The following FGFR1 variants were observed in gnomAD, a reference collection of about 807,000 sequenced individuals.
FGFR1 encodes the protein fibroblast growth factor receptor 1, also known as FGFR1/PLAG1 fusion.
Under a neutral mutation model 93.7 loss-of-function variants are expected in FGFR1, and 18 were observed. The observed-to-expected ratio is 0.19, with a 90% confidence interval of 0.13 to 0.28. The LOEUF (loss-of-function observed/expected upper bound fraction) is 0.28. Among genes scored for constraint, FGFR1 ranks in the 10% least tolerant of loss-of-function variants. The pLI is 1.00. For missense variants in FGFR1, 731 were observed against 1,080.4 expected (o/e 0.68, Z 4.53); for synonymous variants, 448 against 429.3 (o/e 1.04, Z -0.54).
chr8:38,412,019 G>A lies in FGFR1; in HGVS notation c.*1609C>T, dbSNP rs1190859340. 2.6e-5 allele frequency: 6 copies of A among 228,456 alleles called. No individual in the cohort carries two copies. The East Asian group carries it at 3.1e-4, about 12-fold the overall frequency. 14.2% of individuals were successfully genotyped at this position (228,456 alleles called of 1,614,324 possible). A position where few individuals can be genotyped will look rare whatever the true frequency, so the allele number is the denominator to read the frequency against. On this transcript the variant is annotated 3_prime_UTR_variant, in exon 18 of 18. Coordinates refer to ENST00000447712, the MANE Select transcript of FGFR1 (RefSeq NM_023110.3). ...ACTGGCAAAACCATGCCCACATAGA[G>A]GGGGCAGACACATGTCTGGGTTTCA... is the stretch of plus-strand genomic sequence containing the variant.
At position 38,468,115 on chromosome 8, in the gene FGFR1, G is replaced by A. The variant is rs1835938420; in HGVS notation, c.-223C>T. The A allele has an allele frequency of 8.8e-6, 2 of 226,262 alleles. No individual in the cohort carries two copies. Among genetic ancestry groups the A allele is most frequent in the South Asian group, 1.8e-4 (1 of 5,494 alleles). 14.0% of individuals were successfully genotyped at this position (226,262 alleles called of 1,614,324 possible). A position where few individuals can be genotyped will look rare whatever the true frequency, so the allele number is the denominator to read the frequency against. ...CCTGGCGGGGTCGCAAGAGCTCCGC[G>A]GCCGGCGCTCGACTCCCGGCGGCGC... On this transcript the variant is annotated 5_prime_UTR_variant, in exon 1 of 18. Transcript: ENST00000447712.
Position 38,411,810 on chromosome 8 carries a change from G to C in FGFR1, c.*1818C>G. The C allele has an allele frequency of 4.4e-6, 1 of 229,412 alleles. No individual in the cohort carries two copies. The highest frequency in any genetic ancestry group is 8.7e-6 in the Non-Finnish European group (1 of 115,458). The allele number at this position is 229,412 out of a possible 1,614,324, so 14.2% of individuals were successfully genotyped here. A position where few individuals can be genotyped will look rare whatever the true frequency, so the allele number is the denominator to read the frequency against. On this transcript the variant is annotated 3_prime_UTR_variant, in exon 18 of 18. Transcript: ENST00000447712. ...GGAGAATTTTCCCCCCGTTCCTGAGGGACAGGATGGAGTTTGGACAGGAAG... is the reference window on the plus strand; with the variant it reads ...GGAGAATTTTCCCCCCGTTCCTGAGCGACAGGATGGAGTTTGGACAGGAAG...
At chr8:38,456,508 G>GC (rs979316273) in intron 2 of FGFR1, among the ~76,000 whole-genome samples, 1 of 152,098 alleles carries the variant, frequency 6.6e-6, no homozygotes, top group African/African-American at 2.4e-5. Context: ...CGCTTGGCAG[G>GC]CCCCCAAACA....
At chr8:38,451,649 C>G (rs533674515) in intron 2 of FGFR1, among the ~76,000 whole-genome samples, 18 of 152,244 alleles carry the variant, frequency 1.2e-4, no homozygotes, top group Admixed American at 5.2e-4. Flanking sequence ...ACCTCTCCCC[C>G]CTCTAACAAG....
chr8:38,423,179 G>C (rs1254509105), intron 7 of FGFR1: 1 of 778,912 alleles, frequency 1.3e-6, no homozygotes, highest in South Asian at 1.3e-5. Context: ...CCGAATGCTG[G>C]AACAAACCAA....
intron 1 of FGFR1, chr8:38,458,855 T>G (rs1833643597): frequency 4.5e-6 from 1 of 221,116 alleles, no homozygotes; most frequent in Non-Finnish European, 9.0e-6. Context: ...ACAAAGAGCC[T>G]AAGAGTGTGG....
intron 7 of FGFR1, chr8:38,423,311 A>AGT: frequency 2.8e-6 from 1 of 351,868 alleles, no homozygotes; most frequent in Non-Finnish European, 5.0e-6. Context: ...TTTCCCTTTT[A>AGT]GTTTTTTTTT....
intron 5 of FGFR1, among the ~76,000 whole-genome samples, chr8:38,427,189 A>T (rs1821092256): frequency 6.6e-6 from 1 of 152,232 alleles, no homozygotes; most frequent in African/African-American, 2.4e-5. Context: ...GCTTAAAAAA[A>T]TGCTGACAGA....
At chr8:38,422,340 G>A (rs939350481) in intron 7 of FGFR1, 9 of 436,450 alleles carry the variant, frequency 2.1e-5, no homozygotes, top group African/African-American at 5.9e-5. Flanking sequence ...ACATGCACAC[G>A]CATACACACA....
chr8:38,440,728 G>A (rs1462908783), intron 2 of FGFR1, among the ~76,000 whole-genome samples: 3 of 152,170 alleles, frequency 2.0e-5, no homozygotes, highest in African/African-American at 7.2e-5. Flanking sequence ...CCAGAGGGCC[G>A]GCAATAAAGC....
rs376392923 is a variant in FGFR1, at chr8:38,460,553, C to T, written c.-88-3019G>A. Among the ~76,000 whole-genome samples the T allele has an allele frequency of 3.0e-4, 46 of 152,302 alleles. 2 individuals carry two copies. In the South Asian group the frequency reaches 9.1e-3, roughly 30 times the overall value. On this transcript the variant is annotated intron_variant, in intron 1 of 17. Transcript: ENST00000447712. ...GTGGGCTGGCTGCAGACCGCCCTCT[C>T]TCAGCTCCCTGGTCAATGCACTTCA... is the stretch of plus-strand genomic sequence containing the variant.
chr8:38,447,233 C>T (rs1829653854), intron 2 of FGFR1, among the ~76,000 whole-genome samples: 1 of 151,904 alleles, frequency 6.6e-6, no homozygotes, highest in Non-Finnish European at 1.5e-5. Context: ...GAAGTTGGTC[C>T]ACCTAGATTT....
intron 1 of FGFR1, among the ~76,000 whole-genome samples, chr8:38,460,511 GC>G (rs1834127295): frequency 6.6e-6 from 1 of 152,186 alleles, no homozygotes; most frequent in Admixed American, 6.5e-5. Context: ...AGAAAAGCCT[GC>G]CGCCTCCTCC....
chr8:38,431,758 C>T (rs1823236376), intron 2 of FGFR1, among the ~76,000 whole-genome samples: 1 of 152,202 alleles, frequency 6.6e-6, no homozygotes, highest in Non-Finnish European at 1.5e-5. Context: ...TCAGAAACCA[C>T]TAGGCTTGCA....
At chr8:38,447,422 T>C (rs985157770) in intron 2 of FGFR1, among the ~76,000 whole-genome samples, 1 of 152,210 alleles carries the variant, frequency 6.6e-6, no homozygotes, top group Non-Finnish European at 1.5e-5. Context: ...ATAAAACCTA[T>C]GCCTATGGAA....
At chr8:38,450,974 T>C (rs1380580964) in intron 2 of FGFR1, among the ~76,000 whole-genome samples, 2 of 151,950 alleles carry the variant, frequency 1.3e-5, no homozygotes, top group Non-Finnish European at 2.9e-5. Flanking sequence ...TCTGAACACT[T>C]GCAAACACCC....
intron 2 of FGFR1, among the ~76,000 whole-genome samples, chr8:38,436,356 C>G (rs1326822351): frequency 2.0e-5 from 3 of 152,056 alleles, no homozygotes; most frequent in Non-Finnish European, 4.4e-5. Context: ...GCCTGGGCAA[C>G]AGAGACACTG....
intron 2 of FGFR1, among the ~76,000 whole-genome samples, chr8:38,444,391 T>C (rs1363550004): frequency 6.6e-6 from 1 of 150,818 alleles, no homozygotes; most frequent in East Asian, 1.9e-4. Flanking sequence ...GTTCGGGTTT[T>C]TTTTTTTTTT....
chr8:38,446,557 C>T lies in FGFR1; in HGVS notation c.91+10799G>A, dbSNP rs544222613. 5.3e-5 allele frequency among the ~76,000 whole-genome samples: 8 copies of T among 152,126 alleles called. No homozygotes were observed. In the South Asian group the frequency reaches 1.2e-3, roughly 24 times the overall value. Reference sequence around the variant, plus strand: ...CCTCCCGAGTAGCTGGGATTACAGGCGCCCACCACCACGCCCAGGTAATTT... The same window carrying T: ...CCTCCCGAGTAGCTGGGATTACAGGTGCCCACCACCACGCCCAGGTAATTT... On this transcript the variant is annotated intron_variant, in intron 2 of 17. Coordinates refer to ENST00000447712, the MANE Select transcript of FGFR1 (RefSeq NM_023110.3).
Sources: allele counts gnomAD v4.1 joint callset (sites outside exome capture counted in the v4.1 genomes callset), GRCh38; gene constraint gnomAD v4.1.1; transcripts MANE v1.5; gene names NCBI Gene and HGNC (gene_info 2026-07-23, HGNC 2026-07-21).